SLC35F4: variants seen among roughly 807,000 people sequenced by gnomAD.
SLC35F4 encodes solute carrier family 35 member F4.
SLC35F4 carries 24 observed loss-of-function variants against 44.2 expected under a neutral mutation model. The observed-to-expected ratio is 0.54, with a 90% CI of 0.39 to 0.76. The LOEUF is 0.76. SLC35F4 is among the 30% of genes least tolerant of loss of function. SLC35F4 has a pLI of 0.00. For missense variants in SLC35F4, 562 were observed against 586.1 expected (o/e 0.96, Z 0.42); for synonymous variants, 238 against 223.6 (o/e 1.06, Z -0.57).
At chr14:57,580,687 C>T (rs2069182338) in intron 4 of SLC35F4, 1 of 190,144 alleles carries the variant, frequency 5.3e-6, no homozygotes, top group African/African-American at 2.4e-5. Flanking sequence ...GTTGCTTGTA[C>T]TTCCATTTCT....
rs533207587 is a variant in SLC35F4, at chr14:57,638,025, C to A, written c.104-43901G>T. On this transcript the variant is annotated intron_variant, in intron 1 of 7. Coordinates refer to ENST00000556826, the MANE Select transcript of SLC35F4 (RefSeq NM_001306087.2). ...TTATAAACGAGACCTACGGTCATAC[C>A]AGGCAGGAGTTAAGCCACCCTCCTC... Among the ~76,000 whole-genome samples, 4 of 152,214 alleles carry A rather than the reference C, an allele frequency of 2.6e-5. No homozygotes were observed. In the South Asian group the frequency reaches 8.3e-4, roughly 32 times the overall value.
chr14:57,617,421 C>T (rs1178924108), intron 1 of SLC35F4, among the ~76,000 whole-genome samples: 3 of 151,928 alleles, frequency 2.0e-5, no homozygotes, highest in Admixed American at 6.6e-5. Flanking sequence ...TGAGCCACCG[C>T]GCCTGGCCTA....
intron 1 of SLC35F4, among the ~76,000 whole-genome samples, chr14:57,700,260 C>T (rs554823809): frequency 3.3e-5 from 5 of 152,148 alleles, no homozygotes; most frequent in Non-Finnish European, 7.4e-5. Flanking sequence ...AGTTGTAACA[C>T]ACTGTTCAGT....
intron 1 of SLC35F4, among the ~76,000 whole-genome samples, chr14:57,599,259 G>T (rs2070672784): frequency 6.6e-6 from 1 of 152,218 alleles, no homozygotes; most frequent in Non-Finnish European, 1.5e-5. Context: ...TTTTAGAAAA[G>T]GTGGTCAAGG....
intron 1 of SLC35F4, among the ~76,000 whole-genome samples, chr14:57,752,705 C>A (rs1189654759): frequency 6.6e-6 from 1 of 152,078 alleles, no homozygotes; most frequent in Non-Finnish European, 1.5e-5. Flanking sequence ...ATGATCCACC[C>A]GCCTCGGCCT....
intron 1 of SLC35F4, among the ~76,000 whole-genome samples, chr14:57,846,909 C>A (rs550343952): frequency 1.7e-4 from 26 of 152,292 alleles, no homozygotes; most frequent in East Asian, 1.5e-3. Context: ...TATGGATACC[C>A]AGCTTGTTCT....
In SLC35F4 at chr14:57,877,674, C is replaced by CTTTTTTTTTTTTTTTTTT. The variant is rs139397949; in HGVS notation, n.282+104221_282+104238dup. Among the ~76,000 whole-genome samples, 6 of 52,422 alleles carry CTTTTTTTTTTTTTTTTTT rather than the reference C, an allele frequency of 1.1e-4. 2 individuals are homozygous for CTTTTTTTTTTTTTTTTTT. Among genetic ancestry groups the CTTTTTTTTTTTTTTTTTT allele is most frequent in the Non-Finnish European group, 1.4e-4 (4 of 28,932 alleles). 34.4% of individuals were successfully genotyped at this position (52,422 alleles called of 152,430 possible). On this transcript the variant is annotated intron_variant and non_coding_transcript_variant, in intron 1 of 1. Coordinates refer to the SLC35F4 transcript ENST00000556568. The stretch of plus-strand genomic sequence containing the variant: ...CTTGCCAGCATCTGTTATTTTTTGA[C>CTTTTTTTTTTTTTTTTTT]TTTTTTTTTTTTTTTTTTTTTTTTT...
At chr14:57,778,787 G>A (rs901735259) in intron 1 of SLC35F4, among the ~76,000 whole-genome samples, 37 of 151,536 alleles carry the variant, frequency 2.4e-4, no homozygotes, top group South Asian at 4.2e-4. Flanking sequence ...AGACCACAGC[G>A]CAATAAAAAT....
intron 1 of SLC35F4, among the ~76,000 whole-genome samples, chr14:57,603,605 C>A (rs996930211): frequency 2.0e-5 from 3 of 152,158 alleles, no homozygotes; most frequent in African/African-American, 7.2e-5. Flanking sequence ...CCCTACAGTA[C>A]CAGTGGGTAC....
chr14:57,708,321 C>T (rs957405980), intron 1 of SLC35F4, among the ~76,000 whole-genome samples: 5 of 152,168 alleles, frequency 3.3e-5, no homozygotes, highest in Admixed American at 6.5e-5. Context: ...CAAGCCCCGA[C>T]CCACCAAATT....
At chr14:57,887,941 CT>C (rs1888685861) in intron 1 of SLC35F4, among the ~76,000 whole-genome samples, 1 of 152,174 alleles carries the variant, frequency 6.6e-6, no homozygotes, top group Non-Finnish European at 1.5e-5. Context: ...CTGCAGGAAA[CT>C]ACAGCAAGCA....
At chr14:57,590,888 A>G (rs536995800) in intron 2 of SLC35F4, among the ~76,000 whole-genome samples, 1 of 152,214 alleles carries the variant, frequency 6.6e-6, no homozygotes. Context: ...CTGCTTAATG[A>G]GCCAGGTGTG....
At chr14:57,908,726 T>C (rs1043620164) in intron 1 of SLC35F4, among the ~76,000 whole-genome samples, 1 of 152,216 alleles carries the variant, frequency 6.6e-6, no homozygotes, top group African/African-American at 2.4e-5. Flanking sequence ...TCTCCCATTC[T>C]GTAGGTTGCC....
intron 1 of SLC35F4, among the ~76,000 whole-genome samples, chr14:57,872,983 T>G (rs1333253475): frequency 6.6e-6 from 1 of 152,196 alleles, no homozygotes; most frequent in Non-Finnish European, 1.5e-5. Context: ...ATTCCAAATT[T>G]TGAATGGGAA....
intron 1 of SLC35F4, among the ~76,000 whole-genome samples, chr14:57,631,744 C>T (rs1223829953): frequency 6.6e-6 from 1 of 152,012 alleles, no homozygotes; most frequent in Non-Finnish European, 1.5e-5. Flanking sequence ...TAGTACCTGA[C>T]TAAAAATGAA....
intron 1 of SLC35F4, among the ~76,000 whole-genome samples, chr14:57,688,834 G>A (rs1859917095): frequency 6.6e-6 from 1 of 151,986 alleles, no homozygotes; most frequent in Non-Finnish European, 1.5e-5. Context: ...ATTACAAAGG[G>A]CTCCTCATTA....
chr14:57,961,969 C>T (rs1010301060), intron 1 of SLC35F4, among the ~76,000 whole-genome samples: 4 of 152,134 alleles, frequency 2.6e-5, no homozygotes, highest in Non-Finnish European at 5.9e-5. Flanking sequence ...TTACCCAACA[C>T]CTGGAGCAGG....
intron 1 of SLC35F4, among the ~76,000 whole-genome samples, chr14:57,776,418 C>A (rs528810397): frequency 6.6e-6 from 1 of 152,088 alleles, no homozygotes; most frequent in East Asian, 1.9e-4. Context: ...ACCTGTAATC[C>A]CAGCACTTTG....
At chr14:57,757,729 C>G (rs569451889) in intron 1 of SLC35F4, among the ~76,000 whole-genome samples, 4 of 152,078 alleles carry the variant, frequency 2.6e-5, no homozygotes, top group African/African-American at 9.7e-5. Context: ...TTATAAACCC[C>G]AGACTATACT....
Sources: allele counts gnomAD v4.1 joint callset (sites outside exome capture counted in the v4.1 genomes callset), GRCh38; gene constraint gnomAD v4.1.1; transcripts MANE v1.5; gene names NCBI Gene and HGNC (gene_info 2026-07-23, HGNC 2026-07-21).